C2CD5: variants seen among roughly 807,000 people sequenced by gnomAD.
C2CD5 encodes C2 domain-containing protein 5.
Under a neutral mutation model 130.3 loss-of-function variants are expected in C2CD5, and 109 were observed. That is an observed-to-expected ratio of 0.84 (90% CI 0.72 to 0.98). C2CD5 has a LOEUF of 0.98. Ranked by LOEUF, C2CD5 falls within the 50% of genes least tolerant of loss-of-function variation. The pLI is 0.00. For synonymous variants in C2CD5, 454 were observed against 429.2 expected, an observed-to-expected ratio of 1.06 and a Z score of -0.71; for missense variants, 996 against 1,261.8, an observed-to-expected ratio of 0.79 and a Z score of 3.19.
intron 10 of C2CD5, among the ~76,000 whole-genome samples, chr12:22,504,197 A>G (rs911845971): frequency 2.0e-5 from 3 of 152,062 alleles, no homozygotes; most frequent in Admixed American, 6.5e-5. Flanking sequence ...TTTTAAATAC[A>G]ACTCTCTACT....
At position 22,457,112 on chromosome 12, in the gene C2CD5, A is replaced by C; in HGVS notation, c.2736T>G (p.Asn912Lys). ...ASPVGDGNFR[N>K]RSAPPCANST... ...AATTTGCACAAGGTGGAGCAGAACG[A>C]TTCCGGAAATTTCCATCACCCACTG... Residue 912 changes from asparagine to lysine, a missense_variant, in exon 25 of 27, where the codon AAT (asparagine) becomes AAG (lysine). Asn to Lys is a moderately conservative substitution (Grantham distance 94). Coordinates refer to ENST00000446597, the MANE Select transcript of C2CD5 (RefSeq NM_001286176.2). 1 of 1,610,672 alleles carries C rather than the reference A, an allele frequency of 6.2e-7. No homozygotes were observed. Among genetic ancestry groups the C allele is most frequent in the Non-Finnish European group, 8.5e-7 (1 of 1,178,748 alleles).
chr12:22,457,954 T>TC (rs1359746409), intron 24 of C2CD5, among the ~76,000 whole-genome samples: 2 of 152,106 alleles, frequency 1.3e-5, no homozygotes, highest in South Asian at 2.1e-4. Flanking sequence ...TGTAGTTTTT[T>TC]CCCCCTTTTA....
intron 25 of C2CD5, among the ~76,000 whole-genome samples, chr12:22,456,680 G>A (rs985959020): frequency 1.3e-5 from 2 of 152,108 alleles, no homozygotes; most frequent in African/African-American, 2.4e-5. Context: ...CTGAGGAAAC[G>A]AAGCTGTTCT....
At chr12:22,456,120 T>TA (rs1939804375) in intron 25 of C2CD5, among the ~76,000 whole-genome samples, 1 of 152,212 alleles carries the variant, frequency 6.6e-6, no homozygotes, top group African/African-American at 2.4e-5. Context: ...AGTATGATAT[T>TA]AAAGACAGTG....
At chr12:22,479,333 T>TA (rs1487816001) in intron 14 of C2CD5, among the ~76,000 whole-genome samples, 1 of 151,970 alleles carries the variant, frequency 6.6e-6, no homozygotes, top group Non-Finnish European at 1.5e-5. Context: ...CTTGGCCTCC[T>TA]AAAGTGCTGG....
chr12:22,487,813 C>A, intron 12 of C2CD5, among the ~76,000 whole-genome samples: 1 of 151,994 alleles, frequency 6.6e-6, no homozygotes, highest in African/African-American at 2.4e-5. Flanking sequence ...AAATGTCCAA[C>A]AATGATAGAA....
intron 14 of C2CD5, among the ~76,000 whole-genome samples, chr12:22,480,629 C>A (rs1291665373): frequency 6.6e-6 from 1 of 152,116 alleles, no homozygotes; most frequent in African/African-American, 2.4e-5. Flanking sequence ...GTTTTTTAAA[C>A]CCCTCAATTT....
intron 9 of C2CD5, among the ~76,000 whole-genome samples, chr12:22,507,673 G>T (rs973242326): frequency 6.6e-6 from 1 of 152,186 alleles, no homozygotes; most frequent in Non-Finnish European, 1.5e-5. Flanking sequence ...CAAATTGGAT[G>T]CAAGTAAGGA....
intron 22 of C2CD5, among the ~76,000 whole-genome samples, chr12:22,459,932 T>C (rs1327676988): frequency 1.3e-5 from 2 of 152,230 alleles, no homozygotes; most frequent in African/African-American, 4.8e-5. Flanking sequence ...AAATGTTTGC[T>C]GTGGGGAAGA....
chr12:22,493,537 C>T (rs1946629108), intron 10 of C2CD5, among the ~76,000 whole-genome samples, 200 bp from the exon 11 acceptor site: 2 of 152,118 alleles, frequency 1.3e-5, no homozygotes, highest in South Asian at 2.1e-4. Flanking sequence ...AAACAAACCA[C>T]CTATCTGTAT....
chr12:22,485,141 G>C (rs562472532), intron 12 of C2CD5, among the ~76,000 whole-genome samples: 1 of 152,078 alleles, frequency 6.6e-6, no homozygotes, highest in African/African-American at 2.4e-5. Flanking sequence ...TTTGTTTGAT[G>C]ACTTACCACC....
intron 4 of C2CD5, among the ~76,000 whole-genome samples, chr12:22,526,044 G>T (rs1950686919): frequency 6.6e-6 from 1 of 152,138 alleles, no homozygotes; most frequent in Non-Finnish European, 1.5e-5. Flanking sequence ...TTTCAACTTG[G>T]GATGAGTTTA....
At chr12:22,450,562 C>T (rs116411646) in intron 26 of C2CD5, among the ~76,000 whole-genome samples, 3,153 of 151,878 alleles carry the variant, frequency 0.021, 116 homozygotes, top group African/African-American at 0.069. Context: ...ATGATATATA[C>T]AATATAAAAT....
Position 22,543,710 on chromosome 12 carries a change from G to A in C2CD5, c.90+351C>T, listed in dbSNP as rs563914899. ...TGACATCAGAGTCATTCCGGCATTT[G>A]TGTGTGTGTGTGTGTATGTGTGTGA... On this transcript the variant is annotated intron_variant, in intron 2 of 26. Coordinates refer to ENST00000446597, the MANE Select transcript of C2CD5 (RefSeq NM_001286176.2). 6.1e-4 allele frequency among the ~76,000 whole-genome samples: 91 copies of A among 150,278 alleles called. 3 individuals carry two copies. The South Asian group carries it at 0.016, about 26-fold the overall frequency.
chr12:22,542,420 T>C (rs1377998793), intron 2 of C2CD5, among the ~76,000 whole-genome samples: 1 of 152,218 alleles, frequency 6.6e-6, no homozygotes, highest in Non-Finnish European at 1.5e-5. Flanking sequence ...TTATAGAAAA[T>C]GGGGCTTTCC....
At chr12:22,539,382 T>C (rs1281454771) in intron 2 of C2CD5, among the ~76,000 whole-genome samples, 1 of 152,086 alleles carries the variant, frequency 6.6e-6, no homozygotes, top group Non-Finnish European at 1.5e-5. Context: ...CTTCCTCTAG[T>C]CCTCCTCTTC....
intron 26 of C2CD5, among the ~76,000 whole-genome samples, chr12:22,451,930 C>T (rs756330250): frequency 6.6e-6 from 1 of 152,114 alleles, no homozygotes; most frequent in Non-Finnish European, 1.5e-5. Flanking sequence ...TCCACCAGCA[C>T]TAAGCACATT....
intron 10 of C2CD5, among the ~76,000 whole-genome samples, chr12:22,504,055 A>T (rs1011940374): frequency 6.6e-6 from 1 of 152,076 alleles, no homozygotes; most frequent in African/African-American, 2.4e-5. Context: ...CAATACACAA[A>T]ACACATTCTG....
In C2CD5 at chr12:22,497,907, T is replaced by TACATACAC. The variant is rs140392917; in HGVS notation, c.1148-4571_1148-4570insGTGTATGT. On this transcript the variant is annotated intron_variant, in intron 10 of 26. Transcript: ENST00000446597. ...CACTACATACACGCATGCACACACATACACACACACACACACACACACACA... is the reference window on the plus strand; with the variant it reads ...CACTACATACACGCATGCACACACATACATACACACACACACACACACACACACACACA... 1.2e-4 allele frequency among the ~76,000 whole-genome samples: 17 copies of TACATACAC among 145,614 alleles called. 1 individual carries two copies. In the Admixed American group the frequency reaches 1.2e-3, roughly 10 times the overall value.
Sources: allele counts gnomAD v4.1 joint callset (sites outside exome capture counted in the v4.1 genomes callset), GRCh38; gene constraint gnomAD v4.1.1; transcripts MANE v1.5; gene names NCBI Gene and HGNC (gene_info 2026-07-23, HGNC 2026-07-21).